Variants in ASTN2 observed in about 807,000 individuals in gnomAD.
ASTN2 encodes the protein astrotactin-2.
In ASTN2, 54 loss-of-function variants were observed where a neutral mutation model predicts 139.8. The observed-to-expected ratio is 0.39, with a 90% CI of 0.31 to 0.48. ASTN2 has a LOEUF of 0.48. ASTN2 is among the 20% of genes least tolerant of loss of function. The probability of loss-of-function intolerance (pLI) is 0.95; values close to 1 mark genes in which losing one functional copy is unlikely to be tolerated. For missense variants in ASTN2, 1,565 were observed against 1,725.1 expected, an observed-to-expected ratio of 0.91 and a Z score of 1.64; for synonymous variants, 756 against 719.5, an observed-to-expected ratio of 1.05 and a Z score of -0.81.
At chr9:117,090,733 T>C (rs369657429) in intron 5 of ASTN2, among the ~76,000 whole-genome samples, 103 of 152,150 alleles carry the variant, frequency 6.8e-4, no homozygotes, top group African/African-American at 2.3e-3. Flanking sequence ...CAGGTTAAAA[T>C]CCACCCAGGG....
chr9:116,493,904 G>A (rs949693571), intron 19 of ASTN2, among the ~76,000 whole-genome samples: 3 of 152,100 alleles, frequency 2.0e-5, no homozygotes, highest in Admixed American at 6.5e-5. Context: ...TTTAGGAGTC[G>A]TCACTCTGGG....
At position 116,512,663 on chromosome 9, in the gene ASTN2, TTGCTTTATGAATCTGGG is replaced by T. The variant is rs1422240201; in HGVS notation, c.3356-25180_3356-25164del. 5.3e-5 allele frequency among the ~76,000 whole-genome samples: 8 copies of T among 152,330 alleles called. 1 individual carries two copies. The South Asian group carries it at 1.7e-3, about 32-fold the overall frequency. On this transcript the variant is annotated intron_variant, in intron 19 of 22. Coordinates refer to ENST00000313400, the MANE Select transcript of ASTN2 (RefSeq NM_001365068.1). ...AGTCTCTTTGTAAGTCTCTAAGGAC[TTGCTTTATGAATCTGGG>T]TGCTCCTATATTGGGTGCATGTATA...
intron 12 of ASTN2, among the ~76,000 whole-genome samples, chr9:116,817,151 G>C (rs996888273): frequency 6.6e-6 from 1 of 151,866 alleles, no homozygotes; most frequent in Non-Finnish European, 1.5e-5. Flanking sequence ...AAAATTAGCT[G>C]GGTGTGGTGG....
At chr9:116,612,716 A>G (rs1855610830) in intron 19 of ASTN2, 1 of 152,200 alleles carries the variant, frequency 6.6e-6, no homozygotes, top group Non-Finnish European at 1.5e-5. Flanking sequence ...ACACATTTAA[A>G]GCAGTGTGTA....
chr9:116,641,384 C>G (rs550307644), intron 17 of ASTN2, among the ~76,000 whole-genome samples: 1 of 152,200 alleles, frequency 6.6e-6, no homozygotes, highest in East Asian at 1.9e-4. Flanking sequence ...CTACAAGTTC[C>G]TATTTGTAAG....
At chr9:116,637,547 T>A (rs1290737761) in intron 17 of ASTN2, among the ~76,000 whole-genome samples, 2 of 152,204 alleles carry the variant, frequency 1.3e-5, no homozygotes, top group African/African-American at 4.8e-5. Flanking sequence ...ATATGCTCTG[T>A]CTAGTAAATC....
intron 3 of ASTN2, among the ~76,000 whole-genome samples, chr9:117,160,763 T>A (rs1023365258): frequency 6.6e-6 from 1 of 151,968 alleles, no homozygotes; most frequent in African/African-American, 2.4e-5. Context: ...CTTATAAATA[T>A]CCTGTATATG....
chr9:117,241,526 A>G (rs1323761232), intron 2 of ASTN2, among the ~76,000 whole-genome samples: 1 of 152,200 alleles, frequency 6.6e-6, no homozygotes, highest in African/African-American at 2.4e-5. Flanking sequence ...ACCTCAGATC[A>G]TCAGGCATGA....
chr9:116,461,099 TC>T (rs1451571776), intron 20 of ASTN2, among the ~76,000 whole-genome samples: 1 of 152,012 alleles, frequency 6.6e-6, no homozygotes, highest in Non-Finnish European at 1.5e-5. Flanking sequence ...TTCCCTCACC[TC>T]CTTTTCCATG....
At chr9:116,963,414 A>C (rs1394039653) in intron 10 of ASTN2, among the ~76,000 whole-genome samples, 1 of 152,196 alleles carries the variant, frequency 6.6e-6, no homozygotes, top group Non-Finnish European at 1.5e-5. Flanking sequence ...CCAGATTGTG[A>C]AGTGCTACTG....
At chr9:117,346,323 ATGT>A (rs946564996) in intron 1 of ASTN2, among the ~76,000 whole-genome samples, 1 of 152,202 alleles carries the variant, frequency 6.6e-6, no homozygotes, top group Non-Finnish European at 1.5e-5. Context: ...TCTTGGACAA[ATGT>A]TGTGTAAATG....
intron 2 of ASTN2, among the ~76,000 whole-genome samples, chr9:117,229,201 T>C (rs1481978561): frequency 6.6e-6 from 1 of 152,124 alleles, no homozygotes; most frequent in African/African-American, 2.4e-5. Flanking sequence ...TGGTAGACCA[T>C]GCTTTCTTTC....
chr9:116,863,607 C>T lies in ASTN2; in HGVS notation c.2016G>A (p.Arg672=). 1 of 1,614,152 alleles carries T rather than the reference C, an allele frequency of 6.2e-7. No homozygotes were observed. Among genetic ancestry groups the T allele is most frequent in the Non-Finnish European group, 8.5e-7 (1 of 1,179,998 alleles). Residue 672 remains arginine, a synonymous_variant, in exon 11 of 23, where the codon CGG becomes CGA. Coordinates refer to ENST00000313400, the MANE Select transcript of ASTN2 (RefSeq NM_001365068.1). ...CCACACATCCCGAGGAATCCACCTG[C>T]CGGTCAGACACACACTTGAAGTTGC... The part of the protein sequence containing the change: ...CTRNFKCVSD[R]QVDSSGCVCP...
intron 11 of ASTN2, among the ~76,000 whole-genome samples, chr9:116,846,995 T>C (rs574358967): frequency 1.7e-5 from 2 of 114,886 alleles, no homozygotes; most frequent in South Asian, 6.0e-4. Flanking sequence ...TATAAAGCCT[T>C]AGCTTCATTC....
chr9:117,271,004 C>A (rs544301174), intron 2 of ASTN2, among the ~76,000 whole-genome samples: 3 of 152,186 alleles, frequency 2.0e-5, no homozygotes, highest in African/African-American at 7.2e-5. Flanking sequence ...TGGACACTCA[C>A]GGCATTTTAT....
In ASTN2 at chr9:116,565,377, CTCTCTCTCTCCATATATATA is replaced by C. The variant is rs1200100437; in HGVS notation, c.3355+52927_3355+52946del. 8.7e-3 allele frequency among the ~76,000 whole-genome samples: 287 copies of C among 33,104 alleles called. 2 individuals are homozygous for C. The highest frequency in any genetic ancestry group is 0.047 in the Middle Eastern group (4 of 86). The allele number at this position is 33,104 out of a possible 152,430, so 21.7% of individuals were successfully genotyped here. On this transcript the variant is annotated intron_variant, in intron 19 of 22. Coordinates refer to ENST00000313400, the MANE Select transcript of ASTN2 (RefSeq NM_001365068.1). ...TCTCTCTCTCTCTCTCTCTCTCTCT[CTCTCTCTCTCCATATATATA>C]TATATATATATATATATATATATAT...
At chr9:116,772,427 C>A (rs948948907) in intron 13 of ASTN2, among the ~76,000 whole-genome samples, 11 of 152,298 alleles carry the variant, frequency 7.2e-5, no homozygotes, top group Non-Finnish European at 1.6e-4. Flanking sequence ...TGAGGCCTCC[C>A]CAGCCATGTG....
chr9:117,402,366 T>C (rs1830857311), intron 1 of ASTN2, among the ~76,000 whole-genome samples: 1 of 152,174 alleles, frequency 6.6e-6, no homozygotes, highest in African/African-American at 2.4e-5. Flanking sequence ...GCACCCTGCC[T>C]GAAAATCATT....
intron 17 of ASTN2, among the ~76,000 whole-genome samples, chr9:116,620,700 C>T (rs1405432916): frequency 1.3e-5 from 2 of 152,178 alleles, no homozygotes; most frequent in Non-Finnish European, 2.9e-5. Flanking sequence ...CTAGGCTTGG[C>T]ACTCCACTTG....
Sources: gnomAD v4.1 joint callset for allele counts (sites outside exome capture counted in the v4.1 genomes callset) on GRCh38, gnomAD v4.1.1 for gene constraint, MANE v1.5 for transcripts, NCBI Gene and HGNC (gene_info 2026-07-23, HGNC 2026-07-21) for gene names.